RALGAPA2: variants seen among roughly 807,000 people sequenced by gnomAD.
The protein encoded by RALGAPA2 is Ral GTPase activating protein catalytic subunit alpha 2.
A neutral mutation model predicts 230.4 loss-of-function variants in RALGAPA2; 139 were observed. The ratio of observed to expected loss-of-function variants is 0.60; its 90% CI spans 0.53 to 0.69. The LOEUF (loss-of-function observed/expected upper bound fraction) is 0.69, where lower values mean the gene tolerates loss of function less well. RALGAPA2 is among the 30% of genes least tolerant of loss of function. RALGAPA2 has a pLI of 0.00. For missense variants in RALGAPA2, 2,163 were observed against 2,276.0 expected (o/e 0.95, Z 1.01); for synonymous variants, 847 against 837.8 (o/e 1.01, Z -0.19).
At chr20:20,575,404 TG>T (rs772778698) in intron 20 of RALGAPA2, among the ~76,000 whole-genome samples, 2 of 151,634 alleles carry the variant, frequency 1.3e-5, no homozygotes, top group Non-Finnish European at 1.5e-5. Flanking sequence ...ATGTTGAGTT[TG>T]TTTTTTTTTT....
intron 37 of RALGAPA2, among the ~76,000 whole-genome samples, chr20:20,426,468 T>C (rs2060384956): frequency 6.6e-6 from 1 of 152,062 alleles, no homozygotes; most frequent in Non-Finnish European, 1.5e-5. Context: ...CGTGTTTGAG[T>C]GGGGTAGTGA....
chr20:20,436,061 T>G (rs1302180022), intron 37 of RALGAPA2, among the ~76,000 whole-genome samples: 1 of 152,286 alleles, frequency 6.6e-6, no homozygotes, highest in African/African-American at 2.4e-5. Context: ...TTTCATATGG[T>G]CTAACCCTAA....
chr20:20,414,199 C>A (rs904119584), intron 37 of RALGAPA2, among the ~76,000 whole-genome samples: 1 of 152,204 alleles, frequency 6.6e-6, no homozygotes, highest in South Asian at 2.1e-4. Flanking sequence ...GCCTTTGGAC[C>A]GCCGTGGCCC....
At chr20:20,706,199 G>A (rs1302351631) in intron 1 of RALGAPA2, among the ~76,000 whole-genome samples, 4 of 152,146 alleles carry the variant, frequency 2.6e-5, no homozygotes, top group Non-Finnish European at 1.5e-5. Context: ...TATCTTAAAC[G>A]AGTTTGGACA....
intron 37 of RALGAPA2, among the ~76,000 whole-genome samples, chr20:20,430,636 T>C (rs1372304183): frequency 1.3e-5 from 2 of 152,194 alleles, no homozygotes; most frequent in African/African-American, 4.8e-5. Context: ...TTTTCACTCA[T>C]CTCCAGTGAA....
intron 36 of RALGAPA2, among the ~76,000 whole-genome samples, chr20:20,489,544 G>A (rs1173916647): frequency 6.6e-6 from 1 of 151,332 alleles, no homozygotes; most frequent in Non-Finnish European, 1.5e-5. Context: ...TCAGTGAGGT[G>A]GAGTTGTAAT....
intron 34 of RALGAPA2, among the ~76,000 whole-genome samples, chr20:20,504,032 T>C (rs1465101467): frequency 6.6e-6 from 1 of 152,228 alleles, no homozygotes; most frequent in Admixed American, 6.5e-5. Context: ...GGCATGAGTG[T>C]TCACTTCTTA....
rs144713008 is a variant in RALGAPA2 at position 20,686,322 on chromosome 20, G to A, written c.107-5521C>T. ...GCACTTTGGGAGGCCAAGGCTGGTG[G>A]ATCACTTGAGGTCAGGAGTTCAAGA... On this transcript the variant is annotated intron_variant, in intron 1 of 39. Coordinates refer to ENST00000202677, the MANE Select transcript of RALGAPA2 (RefSeq NM_020343.4). Among the ~76,000 whole-genome samples the A allele has an allele frequency of 6.5e-3, 989 of 152,258 alleles. 5 individuals carry two copies. The highest frequency in any genetic ancestry group is 0.013 in the Admixed American group (199 of 15,298).
intron 20 of RALGAPA2, among the ~76,000 whole-genome samples, chr20:20,574,621 C>T (rs1466332125): frequency 6.6e-6 from 1 of 152,060 alleles, no homozygotes; most frequent in Non-Finnish European, 1.5e-5. Flanking sequence ...TGTATTATAA[C>T]AAAAAAATTT....
At chr20:20,464,809 G>GA (rs2061378505) in intron 37 of RALGAPA2, among the ~76,000 whole-genome samples, 3 of 151,912 alleles carry the variant, frequency 2.0e-5, no homozygotes, top group Non-Finnish European at 4.4e-5. Context: ...CCAGTAAGAA[G>GA]AAAAAAACAC....
rs779454003 is a variant in RALGAPA2 at position 20,472,857 on chromosome 20, T to C, written c.5467A>G (p.Lys1823Glu). 1.2e-6 allele frequency: 2 copies of C among 1,613,534 alleles called. No individual in the cohort carries two copies. The highest frequency in any genetic ancestry group is 2.2e-5 in the South Asian group (2 of 91,064). ...CTCTGGTAGAGTGGGATGAGGCACTTCACAGCCCTGCTGGCGTTGATGCAC... is the reference window on the plus strand; with the variant it reads ...CTCTGGTAGAGTGGGATGAGGCACTCCACAGCCCTGCTGGCGTTGATGCAC... ...ATCINASRAV[K>E]CLIPLYQSFY... is the part of the protein sequence containing the mutation. Residue 1823 changes from lysine (K) to glutamate (E), a missense_variant, in exon 37 of 40, where the codon AAG becomes GAG. Transcript: ENST00000202677.
intron 24 of RALGAPA2, among the ~76,000 whole-genome samples, chr20:20,537,271 T>C (rs1228478587): frequency 6.6e-6 from 1 of 152,160 alleles, no homozygotes; most frequent in African/African-American, 2.4e-5. Flanking sequence ...AGATACTATA[T>C]CACTATATCT....
chr20:20,569,621 A>C (rs544260868), intron 23 of RALGAPA2, among the ~76,000 whole-genome samples: 1 of 152,290 alleles, frequency 6.6e-6, no homozygotes, highest in South Asian at 2.1e-4. Context: ...ATACTATAAA[A>C]TTGTATTTCT....
At chr20:20,463,578 C>T (rs114134423) in intron 37 of RALGAPA2, among the ~76,000 whole-genome samples, 254 of 152,166 alleles carry the variant, frequency 1.7e-3, no homozygotes, top group African/African-American at 6.0e-3. Context: ...CTTGTAATGG[C>T]CAGACTTTTT....
At chr20:20,432,582 C>T (rs1421243823) in intron 37 of RALGAPA2, among the ~76,000 whole-genome samples, 1 of 152,174 alleles carries the variant, frequency 6.6e-6, no homozygotes, top group East Asian at 1.9e-4. Flanking sequence ...CACAGCATTT[C>T]CTTAGAACAT....
chr20:20,639,800 C>T lies in RALGAPA2; in HGVS notation c.651G>A (p.Lys217=). The change falls in exon 7 of 40, where the codon AAG becomes AAA. Residue 217 remains lysine (K), a synonymous_variant. Transcript: ENST00000202677. ...TTTCTCTGACCTGAATAACCATATACTTCAACAGTATTTGAAGAAAAAAGC... is the reference window on the plus strand; with the variant it reads ...TTTCTCTGACCTGAATAACCATATATTTCAACAGTATTTGAAGAAAAAAGC... The part of the protein sequence containing the change: ...QTCFFLQILL[K]YMVIQAASLE... 1.2e-6 allele frequency: 2 copies of T among 1,608,798 alleles called. No individual in the cohort carries two copies. The highest frequency in any genetic ancestry group is 1.7e-6 in the Non-Finnish European group (2 of 1,175,208).
intron 9 of RALGAPA2, among the ~76,000 whole-genome samples, chr20:20,630,072 T>C (rs1169687681): frequency 6.6e-6 from 1 of 152,184 alleles, no homozygotes; most frequent in South Asian, 2.1e-4. Flanking sequence ...TGAAGATCTT[T>C]AAAGTGTATT....
rs944200855 is a variant in RALGAPA2, at chr20:20,437,286, G to A, written c.5496-25138C>T. Among the ~76,000 whole-genome samples, 5 of 152,092 alleles carry A rather than the reference G, an allele frequency of 3.3e-5. No individual in the cohort carries two copies. The highest frequency in any genetic ancestry group is 7.2e-5 in the African/African-American group (3 of 41,396). ...GACTCTGCACCCTCTGACATGCCACGTCTCATCTGGCCACAAATCCCCATC... is the reference window on the plus strand; with the variant it reads ...GACTCTGCACCCTCTGACATGCCACATCTCATCTGGCCACAAATCCCCATC... On this transcript the variant is annotated intron_variant, in intron 37 of 39. Transcript: ENST00000202677. The surrounding 1 kb of genome is among the most constrained non-coding windows in gnomAD (Gnocchi z 4.1).
chr20:20,678,156 T>G (rs1381488586), intron 2 of RALGAPA2, among the ~76,000 whole-genome samples: 4 of 152,132 alleles, frequency 2.6e-5, no homozygotes, highest in Non-Finnish European at 4.4e-5. Context: ...CTCCGGAGTT[T>G]TGGCCTGAAT....
Sources: gnomAD v4.1 joint callset for allele counts (sites outside exome capture counted in the v4.1 genomes callset) on GRCh38, gnomAD v4.1.1 for gene constraint, Gnocchi (gnomAD v3.1) non-coding constraint, MANE v1.5 for transcripts, NCBI Gene and HGNC (gene_info 2026-07-23, HGNC 2026-07-21) for gene names.